The following KCNQ5 variants were observed in gnomAD, a reference collection of about 807,000 sequenced individuals.
KCNQ5 encodes the protein potassium voltage-gated channel subfamily Q member 5.
KCNQ5 carries 30 observed loss-of-function variants against 98.2 expected under a neutral mutation model. The observed-to-expected ratio is 0.31, with a 90% CI of 0.23 to 0.41. The LOEUF is 0.41. Ranked by LOEUF, KCNQ5 falls within the 10% of genes least tolerant of loss-of-function variation. KCNQ5 has a pLI of 1.00. For synonymous variants in KCNQ5, 458 were observed against 449.4 expected, an observed-to-expected ratio of 1.02 and a Z score of -0.24; for missense variants, 835 against 1,182.5, an observed-to-expected ratio of 0.71 and a Z score of 4.31.
intron 1 of KCNQ5, among the ~76,000 whole-genome samples, chr6:72,631,912 C>T (rs932333877): frequency 2.0e-5 from 3 of 152,030 alleles, no homozygotes; most frequent in Non-Finnish European, 4.4e-5. Flanking sequence ...TTTATTCCTC[C>T]GAATAACCCT....
intron 1 of KCNQ5, among the ~76,000 whole-genome samples, chr6:72,651,529 A>G (rs776951529): frequency 2.6e-5 from 4 of 152,078 alleles, no homozygotes; most frequent in African/African-American, 9.7e-5. Flanking sequence ...ACATTCATGC[A>G]TACACTAGTA....
At chr6:72,877,972 G>A (rs761964651) in intron 1 of KCNQ5, among the ~76,000 whole-genome samples, 2 of 152,136 alleles carry the variant, frequency 1.3e-5, no homozygotes, top group African/African-American at 2.4e-5. Context: ...TTCTGTAGAC[G>A]TTATTAAAAA....
chr6:72,895,220 C>T (rs1429874307), intron 1 of KCNQ5, among the ~76,000 whole-genome samples: 36 of 148,654 alleles, frequency 2.4e-4, no homozygotes, highest in Middle Eastern at 3.3e-3. Context: ...ACCCAGGAGG[C>T]GGAGCTTGCA....
chr6:72,846,709 C>G (rs775799420), intron 1 of KCNQ5, among the ~76,000 whole-genome samples: 2 of 152,066 alleles, frequency 1.3e-5, no homozygotes, highest in Non-Finnish European at 2.9e-5. Flanking sequence ...GCTTATGTAC[C>G]TTCCTTCCCA....
intron 1 of KCNQ5, among the ~76,000 whole-genome samples, chr6:72,854,042 C>T (rs2995343): frequency 1 from 151,949 of 152,294 alleles, 75,805 homozygotes; most frequent in Middle Eastern, 1. Context: ...GTGCCCTACT[C>T]TGTAGTGAAG....
intron 6 of KCNQ5, among the ~76,000 whole-genome samples, 154 bp from the exon 7 acceptor site, chr6:73,111,154 A>C (rs1775227338): frequency 6.6e-6 from 1 of 152,220 alleles, no homozygotes; most frequent in Admixed American, 6.5e-5. Context: ...ATTATAATGG[A>C]GATAAATACT....
intron 3 of KCNQ5, among the ~76,000 whole-genome samples, chr6:73,069,539 C>T (rs917681095): frequency 6.6e-5 from 10 of 151,926 alleles, no homozygotes; most frequent in African/African-American, 1.9e-4. Context: ...AAAAAAAGCA[C>T]GTCTGCATGC....
At chr6:72,642,258 T>G (rs1262083035) in intron 1 of KCNQ5, among the ~76,000 whole-genome samples, 2 of 151,778 alleles carry the variant, frequency 1.3e-5, no homozygotes, top group Admixed American at 6.6e-5. Flanking sequence ...TTAAACATTT[T>G]GTTTTGTTTT....
chr6:72,762,748 A>G (rs1772352781), intron 1 of KCNQ5, among the ~76,000 whole-genome samples: 1 of 152,062 alleles, frequency 6.6e-6, no homozygotes, highest in South Asian at 2.1e-4. Context: ...ATACTTATAT[A>G]TTGTTTGCTG....
intron 3 of KCNQ5, among the ~76,000 whole-genome samples, chr6:73,042,515 G>A (rs1369966920): frequency 2.0e-5 from 3 of 152,172 alleles, no homozygotes; most frequent in East Asian, 3.8e-4. Flanking sequence ...GGATCAGCTG[G>A]AATAGATAGC....
At chr6:72,820,811 C>A (rs988827460) in intron 1 of KCNQ5, among the ~76,000 whole-genome samples, 2 of 152,128 alleles carry the variant, frequency 1.3e-5, no homozygotes, top group African/African-American at 4.8e-5. Context: ...GCCATAACAA[C>A]ACATACGGTG....
chr6:72,771,119 T>A (rs992440652), intron 1 of KCNQ5, among the ~76,000 whole-genome samples: 4 of 151,530 alleles, frequency 2.6e-5, no homozygotes, highest in Non-Finnish European at 5.9e-5. Flanking sequence ...GGAGCGTGAG[T>A]GGGGATGAAA....
At chr6:73,050,257 GGGAA>G (rs1208611192) in intron 3 of KCNQ5, among the ~76,000 whole-genome samples, 3,350 of 76,268 alleles carry the variant, frequency 0.044, 111 homozygotes, top group African/African-American at 0.088. Flanking sequence ...GAAGGAAGGA[GGGAA>G]GGAAGGAAGG....
At chr6:72,752,093 C>A (rs781700947) in intron 1 of KCNQ5, among the ~76,000 whole-genome samples, 10 of 152,078 alleles carry the variant, frequency 6.6e-5, no homozygotes, top group Admixed American at 1.3e-4. Context: ...CAGCAATCCC[C>A]CAGTGAAAAG....
At chr6:72,641,796 G>C (rs1375393665) in intron 1 of KCNQ5, among the ~76,000 whole-genome samples, 2 of 151,870 alleles carry the variant, frequency 1.3e-5, no homozygotes, top group African/African-American at 4.8e-5. Context: ...TTTCTGCCTG[G>C]GTCATGTACG....
chr6:73,124,583 C>G, intron 9 of KCNQ5, 71 bp downstream of exon 9: 2 of 1,335,578 alleles, frequency 1.5e-6, no homozygotes, highest in Non-Finnish European at 2.2e-6. Flanking sequence ...AAATGTGTCT[C>G]ATGTGAGTAA....
intron 9 of KCNQ5, chr6:73,124,798 T>C (rs1431042364): frequency 2.2e-6 from 1 of 456,812 alleles, no homozygotes; most frequent in East Asian, 3.9e-5. Context: ...GCTGTTGTTT[T>C]CCCAGACAGA....
At chr6:73,027,881 G>A (rs1271232913) in intron 2 of KCNQ5, among the ~76,000 whole-genome samples, 2 of 152,082 alleles carry the variant, frequency 1.3e-5, no homozygotes, top group South Asian at 4.1e-4. Context: ...AAACAAGCAG[G>A]GTAATAAAAC....
At chr6:73,160,052 C>A (rs952094549) in intron 10 of KCNQ5, among the ~76,000 whole-genome samples, 10 of 152,200 alleles carry the variant, frequency 6.6e-5, no homozygotes, top group African/African-American at 2.4e-4. Context: ...CTCGCTCTGT[C>A]GCCCAGGCTG....
Sources: allele counts gnomAD v4.1 joint callset (sites outside exome capture counted in the v4.1 genomes callset), GRCh38; gene constraint gnomAD v4.1.1; transcripts MANE v1.5; gene names NCBI Gene and HGNC (gene_info 2026-07-23, HGNC 2026-07-21).